TBCK: variants seen among roughly 807,000 people sequenced by gnomAD.
The protein encoded by TBCK is TBC domain-containing protein kinase-like protein.
In TBCK, 99 loss-of-function variants were observed where a neutral mutation model predicts 113.4. That is an observed-to-expected ratio of 0.87 (90% confidence interval 0.74 to 1.03). TBCK has a LOEUF of 1.03. Ranked by LOEUF, TBCK falls within the 50% of genes least tolerant of loss-of-function variation. TBCK has a pLI of 0.00. For synonymous variants in TBCK, 369 were observed against 370.8 expected, an observed-to-expected ratio of 1.00 and a Z score of 0.05; for missense variants, 1,045 against 1,061.3, an observed-to-expected ratio of 0.98 and a Z score of 0.21.
At chr4:106,056,418 T>G (rs1735406121) in intron 25 of TBCK, among the ~76,000 whole-genome samples, 1 of 150,602 alleles carries the variant, frequency 6.6e-6, no homozygotes, top group Non-Finnish European at 1.5e-5. Context: ...TTCTTATATC[T>G]GTCTCTAAGT....
At chr4:106,058,884 A>C (rs890524806) in intron 25 of TBCK, among the ~76,000 whole-genome samples, 4 of 151,744 alleles carry the variant, frequency 2.6e-5, no homozygotes, top group Non-Finnish European at 5.9e-5. Context: ...GGGGAGCTGC[A>C]GTAAGTCTTT....
At chr4:106,077,821 C>G (rs538750591) in intron 25 of TBCK, among the ~76,000 whole-genome samples, 4 of 152,174 alleles carry the variant, frequency 2.6e-5, no homozygotes, top group African/African-American at 4.8e-5. Flanking sequence ...ATAGACACTA[C>G]AGAACACTCC....
chr4:106,157,575 A>C (rs1749273072), intron 23 of TBCK, among the ~76,000 whole-genome samples: 1 of 151,920 alleles, frequency 6.6e-6, no homozygotes. Flanking sequence ...ATCTTCTCTG[A>C]GGGTGGGCAT....
chr4:106,150,611 T>A (rs943478758), intron 23 of TBCK, among the ~76,000 whole-genome samples: 1 of 152,052 alleles, frequency 6.6e-6, no homozygotes, highest in African/African-American at 2.4e-5. Flanking sequence ...ACTAAAAAAA[T>A]TATTCAATAC....
At chr4:106,243,944 C>T (rs953453760) in intron 11 of TBCK, among the ~76,000 whole-genome samples, 2 of 152,106 alleles carry the variant, frequency 1.3e-5, no homozygotes, top group Admixed American at 1.3e-4. Context: ...GCCTTGCCTC[C>T]CAAAGTGCTG....
At chr4:106,253,741 A>G (rs1761677901) in intron 5 of TBCK, among the ~76,000 whole-genome samples, 1 of 152,208 alleles carries the variant, frequency 6.6e-6, no homozygotes, top group Non-Finnish European at 1.5e-5. Context: ...ATTTGGGTTT[A>G]TTATTGTGTG....
chr4:106,275,668 C>T (rs1763947261), intron 3 of TBCK, among the ~76,000 whole-genome samples: 1 of 152,022 alleles, frequency 6.6e-6, no homozygotes, highest in African/African-American at 2.4e-5. Context: ...ATTTTACCTA[C>T]AATCATATCA....
intron 23 of TBCK, among the ~76,000 whole-genome samples, chr4:106,136,721 T>C (rs1489761790): frequency 7.1e-6 from 1 of 140,790 alleles, no homozygotes; most frequent in Non-Finnish European, 1.6e-5. Context: ...AGTTCACAAA[T>C]AGCCAATCAA....
At chr4:106,205,775 C>A (rs116778838) in intron 20 of TBCK, among the ~76,000 whole-genome samples, 4,635 of 146,962 alleles carry the variant, frequency 0.032, 103 homozygotes, top group Middle Eastern at 0.077. Context: ...AAAAAAACAA[C>A]AAAAAAAACA....
At chr4:106,169,425 G>C (rs960400548) in intron 23 of TBCK, among the ~76,000 whole-genome samples, 3 of 151,984 alleles carry the variant, frequency 2.0e-5, no homozygotes, top group Non-Finnish European at 4.4e-5. Flanking sequence ...AAGGAACAAA[G>C]GCAATAAAAT....
chr4:106,113,776 C>T (rs1743145113), intron 24 of TBCK, among the ~76,000 whole-genome samples: 1 of 152,194 alleles, frequency 6.6e-6, no homozygotes, highest in Non-Finnish European at 1.5e-5. Flanking sequence ...TTGTTCCTTC[C>T]TATGCTTTAT....
chr4:106,247,150 T>A lies in TBCK; in HGVS notation c.920A>T (p.Gln307Leu). ...TAATTTATCATTACCTTTACACAAC[T>A]GACTGATATCCTCAGGCAGAGTTAA... ...ADLTLPEDIS[Q>L]LCKDINNDYL... The change falls in exon 10 of 26, where the codon CAG becomes CTG. Residue 307 changes from glutamine (Q) to leucine (L), a missense_variant. Physicochemically the swap from Gln to Leu is moderately radical, Grantham distance 113. Transcript: ENST00000394708. 6.2e-7 allele frequency: 1 copy of A among 1,612,522 alleles called. No homozygotes were observed. Among genetic ancestry groups the A allele is most frequent in the South Asian group, 1.1e-5 (1 of 90,686 alleles).
intron 21 of TBCK, 74 bp downstream of exon 21, chr4:106,194,644 A>C: frequency 8.7e-7 from 1 of 1,148,482 alleles, no homozygotes; most frequent in Non-Finnish European, 1.3e-6. Flanking sequence ...TATTGTAAAT[A>C]TAAAATATGG....
At chr4:106,091,407 T>G (rs1207768760) in intron 25 of TBCK, among the ~76,000 whole-genome samples, 1 of 152,222 alleles carries the variant, frequency 6.6e-6, no homozygotes, top group Non-Finnish European at 1.5e-5. Flanking sequence ...AACTGGTGGG[T>G]TCTTGGTCTC....
Position 106,147,378 on chromosome 4 carries a change from G to T in TBCK, c.2235+23717C>A, listed in dbSNP as rs544588776. ...TCTTAAAAAGTAAGACTTGAAAGTT[G>T]AAATGATTGCTTCATCCATGCACTG... is the stretch of plus-strand genomic sequence containing the variant. On this transcript the variant is annotated intron_variant, in intron 23 of 25. Transcript: ENST00000394708. Among the ~76,000 whole-genome samples, 38 of 152,266 alleles carry T rather than the reference G, an allele frequency of 2.5e-4. No homozygotes were observed. The South Asian group carries it at 7.7e-3, about 31-fold the overall frequency.
chr4:106,138,040 T>C (rs1349574136), intron 23 of TBCK, among the ~76,000 whole-genome samples: 4 of 141,498 alleles, frequency 2.8e-5, no homozygotes, highest in Non-Finnish European at 4.8e-5. Flanking sequence ...AAGTGTGTTG[T>C]GCAAACATCA....
At chr4:106,118,959 T>C (rs1206697989) in intron 23 of TBCK, among the ~76,000 whole-genome samples, 1 of 152,218 alleles carries the variant, frequency 6.6e-6, no homozygotes, top group Non-Finnish European at 1.5e-5. Flanking sequence ...TACAAGTTCT[T>C]CTGCAAATGA....
At chr4:106,092,046 C>T (rs1464057147) in intron 25 of TBCK, among the ~76,000 whole-genome samples, 4 of 152,086 alleles carry the variant, frequency 2.6e-5, no homozygotes, top group African/African-American at 9.7e-5. Context: ...GAGCTAGACA[C>T]AGAGTGCTGA....
intron 9 of TBCK, 157 bp from the exon 10 acceptor site, chr4:106,247,444 T>C (rs1167261915): frequency 3.3e-6 from 2 of 601,570 alleles, no homozygotes; most frequent in Non-Finnish European, 2.8e-6. Flanking sequence ...CATACTTTTA[T>C]ATTATAATCA....
Sources: gnomAD v4.1 joint callset for allele counts (sites outside exome capture counted in the v4.1 genomes callset) on GRCh38, gnomAD v4.1.1 for gene constraint, MANE v1.5 for transcripts, NCBI Gene and HGNC (gene_info 2026-07-23, HGNC 2026-07-21) for gene names.